ZFAT: variants seen among roughly 807,000 people sequenced by gnomAD.
The protein encoded by ZFAT is zinc finger protein ZFAT.
ZFAT carries 64 observed loss-of-function variants against 117.7 expected under a neutral mutation model. That is an observed-to-expected ratio of 0.54 (90% CI 0.44 to 0.67). The LOEUF (loss-of-function observed/expected upper bound fraction) is 0.67. Among genes scored for constraint, ZFAT ranks in the 30% least tolerant of loss-of-function variants. The pLI, the probability that ZFAT is intolerant of heterozygous loss-of-function variation, is 0.00. For synonymous variants in ZFAT, 679 were observed against 615.0 expected (o/e 1.10, Z -1.54); for missense variants, 1,433 against 1,584.5 (o/e 0.90, Z 1.62).
the ZFAT span, among the ~76,000 whole-genome samples, chr8:134,789,137 TC>T: frequency 6.6e-6 from 1 of 152,210 alleles, no homozygotes; most frequent in Non-Finnish European, 1.5e-5. Context: ...TGCTTTTGTC[TC>T]CATTAAATTG....
chr8:134,729,539 T>C, the ZFAT span, among the ~76,000 whole-genome samples: 2 of 152,160 alleles, frequency 1.3e-5, no homozygotes. Context: ...TTCACCGTGT[T>C]AGCCAGGATG....
the ZFAT span, among the ~76,000 whole-genome samples, chr8:134,800,916 A>G: frequency 2.0e-5 from 3 of 152,246 alleles, no homozygotes; most frequent in Admixed American, 1.3e-4. Context: ...GTCACAAACA[A>G]GTGATAACGT....
At chr8:134,698,323 CAAA>C (rs35465168) in intron 1 of ZFAT, among the ~76,000 whole-genome samples, 2 of 127,328 alleles carry the variant, frequency 1.6e-5, no homozygotes, top group Admixed American at 7.9e-5. Context: ...GACTCCATCT[CAAA>C]AAAAAAAAAA....
At chr8:134,634,427 A>G (rs1326651003) in intron 3 of ZFAT, among the ~76,000 whole-genome samples, 2 of 152,230 alleles carry the variant, frequency 1.3e-5, no homozygotes, top group African/African-American at 2.4e-5. Context: ...AAAACAAACA[A>G]AAGTAATAAT....
At chr8:134,724,390 C>A in the ZFAT span, among the ~76,000 whole-genome samples, 1 of 152,106 alleles carries the variant, frequency 6.6e-6, no homozygotes, top group Non-Finnish European at 1.5e-5. Context: ...AACGCATGCC[C>A]CTGATGTGCC....
intron 3 of ZFAT, among the ~76,000 whole-genome samples, chr8:134,625,571 C>A (rs1174994062): frequency 6.6e-6 from 1 of 152,230 alleles, no homozygotes; most frequent in Non-Finnish European, 1.5e-5. Context: ...TGTCCTCCTC[C>A]CCAGGCACTC....
the ZFAT span, among the ~76,000 whole-genome samples, chr8:134,827,709 A>G: frequency 6.6e-6 from 1 of 151,010 alleles, no homozygotes; most frequent in Admixed American, 6.6e-5. Flanking sequence ...CGGAGGTTGC[A>G]TTGAGCCAAA....
intron 5 of ZFAT, among the ~76,000 whole-genome samples, chr8:134,605,323 G>C (rs150434866): frequency 0.013 from 1,972 of 152,236 alleles, 17 homozygotes; most frequent in Middle Eastern, 0.02. Context: ...GAGGAGGGCG[G>C]ATCACAAGGT....
At chr8:134,555,011 A>G (rs949250366) in intron 11 of ZFAT, among the ~76,000 whole-genome samples, 1 of 152,196 alleles carries the variant, frequency 6.6e-6, no homozygotes, top group African/African-American at 2.4e-5. Flanking sequence ...ACTCACTGAG[A>G]AGACTTGCAA....
At chr8:134,580,649 TACAAAAATCACTGACACAG>T (rs1451703354) in intron 10 of ZFAT, among the ~76,000 whole-genome samples, 6 of 152,284 alleles carry the variant, frequency 3.9e-5, no homozygotes, top group Non-Finnish European at 8.8e-5. Context: ...AAGGTACTAG[TACAAAAATCACTGACACAG>T]ACCAAAATCT....
chr8:134,740,293 T>G, the ZFAT span, among the ~76,000 whole-genome samples: 1 of 152,190 alleles, frequency 6.6e-6, no homozygotes, highest in African/African-American at 2.4e-5. Flanking sequence ...GCAAACACAC[T>G]TAACCATCCT....
At chr8:134,593,922 C>T (rs558532634) in intron 7 of ZFAT, among the ~76,000 whole-genome samples, 1 of 152,176 alleles carries the variant, frequency 6.6e-6, no homozygotes, top group Non-Finnish European at 1.5e-5. Context: ...TGTGTCAACA[C>T]GTGGAACCCA....
chr8:134,820,040 G>A, the ZFAT span, among the ~76,000 whole-genome samples: 3 of 152,178 alleles, frequency 2.0e-5, no homozygotes, highest in Non-Finnish European at 4.4e-5. Flanking sequence ...TAGAGAAACA[G>A]TTTAACTGGG....
the ZFAT span, among the ~76,000 whole-genome samples, chr8:134,721,059 T>C: frequency 2.6e-5 from 4 of 152,176 alleles, no homozygotes; most frequent in Non-Finnish European, 5.9e-5. Context: ...ATCCCGGCCT[T>C]TCTGCTGTGG....
intron 7 of ZFAT, chr8:134,599,516 T>C: frequency 3.3e-6 from 1 of 307,548 alleles, no homozygotes; most frequent in South Asian, 2.7e-5. Context: ...CCACAGGGCC[T>C]GTGAGAGTGT....
intron 10 of ZFAT, among the ~76,000 whole-genome samples, chr8:134,572,559 G>C (rs1824998685): frequency 6.6e-6 from 1 of 152,194 alleles, no homozygotes; most frequent in South Asian, 2.1e-4. Flanking sequence ...TGCTCTTTCT[G>C]ACCAAGCATC....
upstream of ZFAT, among the ~76,000 whole-genome samples, chr8:134,716,253 A>G (rs188520702): frequency 1.6e-4 from 24 of 152,296 alleles, no homozygotes; most frequent in Non-Finnish European, 2.5e-4. Context: ...AGAGGTGGGA[A>G]TAATCAGTTT....
the ZFAT span, among the ~76,000 whole-genome samples, chr8:134,725,105 G>T: frequency 6.6e-6 from 1 of 152,080 alleles, no homozygotes; most frequent in Non-Finnish European, 1.5e-5. Flanking sequence ...CACAGAGAAG[G>T]CTTCCCCAAC....
chr8:134,677,261 C>T (rs78946817), intron 1 of ZFAT, among the ~76,000 whole-genome samples: 52,686 of 151,904 alleles, frequency 0.35, 9,484 homozygotes, highest in South Asian at 0.43. Context: ...ATAAAGGGGC[C>T]ATCACTACCA....
Sources: allele counts gnomAD v4.1 joint callset (sites outside exome capture counted in the v4.1 genomes callset), GRCh38; gene constraint gnomAD v4.1.1; transcripts MANE v1.5; gene names NCBI Gene and HGNC (gene_info 2026-07-23, HGNC 2026-07-21).